The following MEGF6 variants were observed in gnomAD, a reference collection of about 807,000 sequenced individuals.
MEGF6 encodes multiple EGF like domains 6.
In MEGF6, 184 loss-of-function variants were observed where a neutral mutation model predicts 207.1. The observed-to-expected ratio is 0.89, with a 90% CI of 0.79 to 1.00. The LOEUF (loss-of-function observed/expected upper bound fraction) is 1.00, where lower values mean the gene tolerates loss of function less well. Among genes scored for constraint, MEGF6 ranks in the 50% least tolerant of loss-of-function variants. MEGF6 has a pLI of 0.00. For missense variants in MEGF6, 2,282 were observed against 2,202.9 expected (o/e 1.04, Z -0.72); for synonymous variants, 1,038 against 910.0 (o/e 1.14, Z -2.53).
the MEGF6 span, chr1:3,623,639 G>C: frequency 2.0e-5 from 3 of 152,236 alleles, no homozygotes; most frequent in South Asian, 2.1e-4. Context: ...ATGCGTCTGG[G>C]CACACCAGCG....
chr1:3,509,101 C>T lies in MEGF6; in HGVS notation c.1502G>A (p.Gly501Asp), dbSNP rs1641230162. Residue 501 changes from glycine to aspartate, a missense_variant, in exon 12 of 37, where the codon GGC (glycine) becomes GAC (aspartate). By Grantham distance (94) the Gly-to-Asp change is moderately conservative. Coordinates refer to ENST00000356575, the MANE Select transcript of MEGF6 (RefSeq NM_001409.4). ...AAACTTCTCTGTGAGCGTGTGTTCG[C>T]CCCGCAACTCTGCCTCTTCCTCATC... The part of the protein sequence containing the change: ...GADEEEAELR[G>D]EHTLTEKFVC... 1.9e-6 allele frequency: 3 copies of T among 1,599,222 alleles called. No homozygotes were observed. The highest frequency in any genetic ancestry group is 2.6e-6 in the Non-Finnish European group (3 of 1,174,014).
intron 36 of MEGF6, 83 bp downstream of exon 36, chr1:3,490,829 C>G: frequency 1.3e-6 from 2 of 1,500,866 alleles, no homozygotes; most frequent in Non-Finnish European, 9.1e-7. Flanking sequence ...CTGTGGGGCC[C>G]AGATTATACT....
intron 4 of MEGF6, among the ~76,000 whole-genome samples, chr1:3,564,588 C>T (rs1643294886): frequency 6.6e-6 from 1 of 152,170 alleles, no homozygotes; most frequent in South Asian, 2.1e-4. Flanking sequence ...TGGCCACCAG[C>T]CCAGCCCTGG....
chr1:3,612,729 G>A (rs1644344451), upstream of MEGF6, among the ~76,000 whole-genome samples: 2 of 143,808 alleles, frequency 1.4e-5, no homozygotes, highest in South Asian at 2.3e-4. Flanking sequence ...AGGGAGCACT[G>A]GAGGGAGCCC....
chr1:3,517,963 G>A lies in MEGF6; in HGVS notation c.605-2436C>T, dbSNP rs761580320. Among the ~76,000 whole-genome samples the A allele has an allele frequency of 2.6e-5, 4 of 152,218 alleles. No individual in the cohort carries two copies. The East Asian group carries it at 5.8e-4, about 22-fold the overall frequency. On this transcript the variant is annotated intron_variant, in intron 5 of 36. Coordinates refer to ENST00000356575, the MANE Select transcript of MEGF6 (RefSeq NM_001409.4). ...GGTTTGATGGTCAGCATGCATAATC[G>A]CACCGCGTGCTTCCGCAATCCGGCC...
chr1:3,501,930 G>A lies in MEGF6; in HGVS notation c.2189-9C>T, dbSNP rs1159182135. 2 of 1,580,362 alleles carry A rather than the reference G, an allele frequency of 1.3e-6. No homozygotes were observed. Among genetic ancestry groups the A allele is most frequent in the Non-Finnish European group, 1.7e-6 (2 of 1,162,936 alleles). On this transcript the variant is annotated splice_polypyrimidine_tract_variant and intron_variant, in intron 17 of 36. Coordinates refer to ENST00000356575, the MANE Select transcript of MEGF6 (RefSeq NM_001409.4). Reference sequence around the variant, plus strand: ...CGTCCCCACCGGGCACTCTGCAGGAGAAAGCACGAGGGGCCTTAGCCGCAC... The same window carrying A: ...CGTCCCCACCGGGCACTCTGCAGGAAAAAGCACGAGGGGCCTTAGCCGCAC...
Position 3,499,603 on chromosome 1 carries a change from G to A in MEGF6, c.2950C>T (p.Pro984Ser). The change falls in exon 23 of 37, where the codon CCC (proline) becomes TCC (serine). Residue 984 changes from proline (P) to serine (S), a missense_variant. Coordinates refer to ENST00000356575, the MANE Select transcript of MEGF6 (RefSeq NM_001409.4). ...CCTCACGCACTCTCGGCACAGCGGGGGCCCCGGCGGCCAGCGGGGCAGAGG... is the reference window on the plus strand; with the variant it reads ...CCTCACGCACTCTCGGCACAGCGGGAGCCCCGGCGGCCAGCGGGGCAGAGG... ...SCLCPAGRRGPRCAETCPAHT... is the reference protein window; with the variant it reads ...SCLCPAGRRGSRCAETCPAHT... 1 of 1,581,814 alleles carries A rather than the reference G, an allele frequency of 6.3e-7. No homozygotes were observed. The highest frequency in any genetic ancestry group is 8.6e-7 in the Non-Finnish European group (1 of 1,165,300).
chr1:3,533,807 C>A lies in MEGF6; in HGVS notation c.482-9561G>T, dbSNP rs983906453. Among the ~76,000 whole-genome samples, 3 of 152,328 alleles carry A rather than the reference C, an allele frequency of 2.0e-5. No individual in the cohort carries two copies. In the South Asian group the frequency reaches 6.2e-4, roughly 32 times the overall value. On this transcript the variant is annotated intron_variant, in intron 4 of 36. Transcript: ENST00000356575. ...TCACCCTCACCAACAGGCGACGGGG[C>A]TGGGGTCCTCCATCAGCACCCCATC...
In MEGF6 at chr1:3,489,174, T is replaced by C. The variant is rs547685140; in HGVS notation, c.*1354A>G. On this transcript the variant is annotated 3_prime_UTR_variant, in exon 37 of 37. Transcript: ENST00000356575. ...GCCCTCCCTTATCACTGTTCTACTT[T>C]AAAGTCTCCCCACAGCGGTCCATTC... Among the ~76,000 whole-genome samples the C allele has an allele frequency of 3.9e-5, 6 of 152,326 alleles. 1 individual carries two copies. The South Asian group carries it at 1.2e-3, about 32-fold the overall frequency.
chr1:3,593,348 C>G (rs958823911), intron 3 of MEGF6, among the ~76,000 whole-genome samples: 1 of 152,150 alleles, frequency 6.6e-6, no homozygotes, highest in South Asian at 2.1e-4. Flanking sequence ...GAGCCCAGCT[C>G]GGGGCTCGGA....
chr1:3,564,020 G>T (rs1010116887), intron 4 of MEGF6, among the ~76,000 whole-genome samples: 2 of 152,226 alleles, frequency 1.3e-5, no homozygotes, highest in East Asian at 3.9e-4. Context: ...TGGAAGGACA[G>T]CCGAGAAAGG....
At chr1:3,622,797 A>G in the MEGF6 span, among the ~76,000 whole-genome samples, 4 of 152,242 alleles carry the variant, frequency 2.6e-5, no homozygotes, top group South Asian at 2.1e-4. Flanking sequence ...TTTTTAAAAC[A>G]GTTGTTGTTT....
chr1:3,618,199 C>G, the MEGF6 span, among the ~76,000 whole-genome samples: 1 of 152,218 alleles, frequency 6.6e-6, no homozygotes, highest in African/African-American at 2.4e-5. This position sits in a 1 kb window ranked among gnomAD's most constrained non-coding sequence, Gnocchi z 4.7. Flanking sequence ...GCAGCCCTTG[C>G]ATTTCTCAAG....
At chr1:3,603,487 G>A (rs757330207) in intron 1 of MEGF6, among the ~76,000 whole-genome samples, 12 of 152,064 alleles carry the variant, frequency 7.9e-5, no homozygotes, top group Admixed American at 4.6e-4. Flanking sequence ...GTGACGTCTG[G>A]GGGGCCTCAG....
At chr1:3,588,930 G>T (rs1643936027) in intron 3 of MEGF6, among the ~76,000 whole-genome samples, 1 of 152,218 alleles carries the variant, frequency 6.6e-6, no homozygotes, top group East Asian at 1.9e-4. Context: ...CCTCATGAGG[G>T]CCCCAGGCCT....
At chr1:3,496,482 C>T (rs1237451429) in intron 29 of MEGF6, among the ~76,000 whole-genome samples, 173 bp downstream of exon 29, 5 of 152,250 alleles carry the variant, frequency 3.3e-5, no homozygotes, top group African/African-American at 9.6e-5. Context: ...ACACCCCCAG[C>T]GCTGCAGGTC....
In MEGF6 at chr1:3,501,318, ACCCCCATGG is replaced by A; in HGVS notation, c.2315-19_2315-11del. 1 of 1,590,250 alleles carries A rather than the reference ACCCCCATGG, an allele frequency of 6.3e-7. No individual in the cohort carries two copies. The highest frequency in any genetic ancestry group is 1.3e-5 in the African/African-American group (1 of 74,192). Reference sequence around the variant, plus strand: ...CGGCCCTCGGGACAATCTAGTGCCCACCCCCATGGCCAGTCAGTGCCCAAGCTGCCCTTG... The same window carrying A: ...CGGCCCTCGGGACAATCTAGTGCCCACCAGTCAGTGCCCAAGCTGCCCTTG... On this transcript the variant is annotated splice_polypyrimidine_tract_variant and intron_variant, in intron 18 of 36. Coordinates refer to ENST00000356575, the MANE Select transcript of MEGF6 (RefSeq NM_001409.4).
At chr1:3,496,583 C>T in intron 29 of MEGF6, 72 bp downstream of exon 29, 3 of 1,539,564 alleles carry the variant, frequency 1.9e-6, no homozygotes, top group Non-Finnish European at 2.6e-6. Flanking sequence ...GGGCCATCCT[C>T]CTGCAGGCTG....
At chr1:3,579,220 C>T (rs1040041459) in intron 4 of MEGF6, among the ~76,000 whole-genome samples, 3 of 152,208 alleles carry the variant, frequency 2.0e-5, no homozygotes, top group African/African-American at 4.8e-5. Flanking sequence ...TGAATCAGGA[C>T]GAGGCTCTGC....
Sources: gnomAD v4.1 joint callset for allele counts (sites outside exome capture counted in the v4.1 genomes callset) on GRCh38, gnomAD v4.1.1 for gene constraint, Gnocchi (gnomAD v3.1) non-coding constraint, MANE v1.5 for transcripts, NCBI Gene and HGNC (gene_info 2026-07-23, HGNC 2026-07-21) for gene names.